The following GASK1A variants were observed in gnomAD, a reference collection of about 807,000 sequenced individuals.
The protein encoded by GASK1A is Golgi-associated kinase 1A.
In GASK1A, 40 loss-of-function variants were observed where a neutral mutation model predicts 41.2. The observed-to-expected ratio is 0.97, with a 90% CI of 0.75 to 1.27. The LOEUF (loss-of-function observed/expected upper bound fraction) is 1.27, where lower values mean the gene tolerates loss of function less well. Among genes scored for constraint, GASK1A ranks in the 50% most tolerant of loss-of-function variants. GASK1A has a pLI of 0.00. For synonymous variants in GASK1A, 316 were observed against 307.1 expected, an observed-to-expected ratio of 1.03 and a Z score of -0.30; for missense variants, 678 against 745.1, an observed-to-expected ratio of 0.91 and a Z score of 1.05.
intron 1 of GASK1A, among the ~76,000 whole-genome samples, chr3:43,022,329 C>T (rs890586950): frequency 6.6e-6 from 1 of 152,204 alleles, no homozygotes; most frequent in African/African-American, 2.4e-5. Flanking sequence ...AACTGCACAA[C>T]TGCCAACTTT....
chr3:43,033,091 G>A lies in GASK1A; in HGVS notation c.828G>A (p.Glu276=), dbSNP rs2089587173. Residue 276 remains glutamate, a synonymous_variant, in exon 2 of 5, where the codon GAG becomes GAA. Coordinates refer to ENST00000430121, the MANE Select transcript of GASK1A (RefSeq NM_001129908.3). ...TGCTCCGTCTGTTGGCACAGGGGGA[G>A]GTGGTGGACAAAGCCAGGGTCCCCG... ...VQMLRLLAQG[E]VVDKARVPAH... 4.5e-6 allele frequency: 7 copies of A among 1,551,740 alleles called. No homozygotes were observed. In the East Asian group the frequency reaches 1.7e-4, roughly 38 times the overall value.
At chr3:43,054,242 C>A (rs2125693236) in intron 3 of GASK1A, 1 of 170,052 alleles carries the variant, frequency 5.9e-6, no homozygotes, top group South Asian at 1.5e-4. Context: ...GTCCTCACAG[C>A]CTCCCTTTGC....
chr3:42,985,282 A>G (rs1267067866), intron 1 of GASK1A, among the ~76,000 whole-genome samples: 1 of 152,172 alleles, frequency 6.6e-6, no homozygotes, highest in East Asian at 1.9e-4. Flanking sequence ...CTCCATGGGC[A>G]GGGACTGAGT....
At chr3:42,997,603 A>G (rs2125675914) in intron 1 of GASK1A, among the ~76,000 whole-genome samples, 1 of 152,324 alleles carries the variant, frequency 6.6e-6, no homozygotes, top group South Asian at 2.1e-4. Context: ...TGCACCTGGA[A>G]TAACAGCTGC....
At chr3:43,039,194 T>G (rs1251642686) in intron 2 of GASK1A, among the ~76,000 whole-genome samples, 1 of 65,160 alleles carries the variant, frequency 1.5e-5, no homozygotes, top group Non-Finnish European at 3.7e-5. Flanking sequence ...ACCAGGTAGT[T>G]TTTTTTTTTG....
intron 1 of GASK1A, among the ~76,000 whole-genome samples, chr3:43,013,118 G>A (rs2089472185): frequency 6.6e-6 from 1 of 151,198 alleles, no homozygotes; most frequent in South Asian, 2.1e-4. Flanking sequence ...AGGAGTGTGT[G>A]AAGCCACTGA....
chr3:43,012,253 AG>A (rs1261246025), intron 1 of GASK1A, among the ~76,000 whole-genome samples: 1 of 151,588 alleles, frequency 6.6e-6, no homozygotes, highest in African/African-American at 2.4e-5. Flanking sequence ...CTGAGGTCAC[AG>A]GAAGGGGCAG....
At chr3:43,021,912 G>A (rs2125683232) in intron 1 of GASK1A, among the ~76,000 whole-genome samples, 1 of 152,346 alleles carries the variant, frequency 6.6e-6, no homozygotes, top group Non-Finnish European at 1.5e-5. Flanking sequence ...ATTGGTGAAG[G>A]GTTGAGAGGT....
chr3:43,033,666 T>G, intron 2 of GASK1A, 113 bp downstream of exon 2: 1 of 1,006,944 alleles, frequency 9.9e-7, no homozygotes, highest in African/African-American at 1.6e-5. Flanking sequence ...AAGTCTTGGT[T>G]TTTTGACCAC....
chr3:43,049,284 A>T (rs1393615699), intron 2 of GASK1A, among the ~76,000 whole-genome samples: 1 of 150,144 alleles, frequency 6.7e-6, no homozygotes, highest in East Asian at 1.9e-4. Flanking sequence ...GACTTAATGG[A>T]TAGATATAGA....
intron 1 of GASK1A, among the ~76,000 whole-genome samples, chr3:42,983,012 C>T (rs999780436): frequency 6.6e-6 from 1 of 152,128 alleles, no homozygotes; most frequent in African/African-American, 2.4e-5. Context: ...AGGCTAGGGC[C>T]CGGGTCTCCT....
At chr3:43,052,488 T>C (rs504973) in intron 2 of GASK1A, among the ~76,000 whole-genome samples, 87,082 of 152,004 alleles carry the variant, frequency 0.57, 25,341 homozygotes, top group Admixed American at 0.65. Context: ...ACCCTAGGCA[T>C]TCATTGAGGT....
At chr3:42,990,261 GAT>G (rs2089333121) in intron 1 of GASK1A, among the ~76,000 whole-genome samples, 1 of 151,430 alleles carries the variant, frequency 6.6e-6, no homozygotes, top group African/African-American at 2.4e-5. Flanking sequence ...GAGGTGGGAG[GAT>G]TGCTTGGGCC....
intron 2 of GASK1A, among the ~76,000 whole-genome samples, chr3:43,040,474 T>A (rs1313920699): frequency 3.3e-5 from 5 of 152,150 alleles, no homozygotes; most frequent in African/African-American, 1.2e-4. Context: ...TTTTGCTTGT[T>A]CCTTCCCCTT....
intron 1 of GASK1A, among the ~76,000 whole-genome samples, chr3:43,013,585 A>G (rs532098546): frequency 6.6e-6 from 1 of 152,114 alleles, no homozygotes; most frequent in East Asian, 1.9e-4. Flanking sequence ...AAGCCAAAGA[A>G]GTGGCAGTGT....
chr3:42,985,546 C>CAT (rs1174325045), intron 1 of GASK1A, among the ~76,000 whole-genome samples: 3 of 134,798 alleles, frequency 2.2e-5, no homozygotes, highest in Admixed American at 7.4e-5. Flanking sequence ...CCTGTGCATA[C>CAT]GTGTGTGTGT....
chr3:43,013,021 G>A (rs947010304), intron 1 of GASK1A, among the ~76,000 whole-genome samples: 3 of 151,846 alleles, frequency 2.0e-5, no homozygotes, highest in Non-Finnish European at 1.5e-5. Context: ...ACAGGAAGGG[G>A]CATGGGAAAT....
chr3:43,047,968 A>G (rs1214576350), intron 2 of GASK1A, among the ~76,000 whole-genome samples: 1 of 152,214 alleles, frequency 6.6e-6, no homozygotes, highest in African/African-American at 2.4e-5. Context: ...GTCTGGCGGC[A>G]CATAACCTAA....
intron 1 of GASK1A, among the ~76,000 whole-genome samples, chr3:43,024,875 A>G (rs1031634417): frequency 6.6e-6 from 1 of 152,218 alleles, no homozygotes; most frequent in African/African-American, 2.4e-5. Flanking sequence ...TTGGGAAGGA[A>G]CAGTGTGTTA....
Sources: allele counts gnomAD v4.1 joint callset (sites outside exome capture counted in the v4.1 genomes callset), GRCh38; gene constraint gnomAD v4.1.1; transcripts MANE v1.5; gene names NCBI Gene and HGNC (gene_info 2026-07-23, HGNC 2026-07-21).